Variants in PTPRK observed in about 807,000 individuals in gnomAD.
PTPRK encodes the protein receptor-type tyrosine-protein phosphatase kappa.
A neutral mutation model predicts 178.0 loss-of-function variants in PTPRK; 75 were observed. The ratio of observed to expected loss-of-function variants is 0.42; its 90% CI spans 0.35 to 0.51. PTPRK has a LOEUF of 0.51. PTPRK is among the 20% of genes least tolerant of loss of function. The pLI, the probability that PTPRK is intolerant of heterozygous loss-of-function variation, is 0.02. For synonymous variants in PTPRK, 637 were observed against 620.6 expected, an observed-to-expected ratio of 1.03 and a Z score of -0.39; for missense variants, 1,441 against 1,797.8, an observed-to-expected ratio of 0.80 and a Z score of 3.59.
chr6:127,987,343 A>C (rs1244173253), intron 21 of PTPRK, among the ~76,000 whole-genome samples: 2 of 151,754 alleles, frequency 1.3e-5, no homozygotes, highest in African/African-American at 4.8e-5. Flanking sequence ...AATATCAAGT[A>C]CTCCCATATT....
At chr6:128,140,075 G>C (rs1402328894) in intron 7 of PTPRK, among the ~76,000 whole-genome samples, 1 of 151,932 alleles carries the variant, frequency 6.6e-6, no homozygotes, top group African/African-American at 2.4e-5. Flanking sequence ...CCCCTATCTT[G>C]CATCCAGATA....
intron 14 of PTPRK, among the ~76,000 whole-genome samples, chr6:128,007,157 T>C (rs189449529): frequency 9.0e-4 from 136 of 151,048 alleles, no homozygotes; most frequent in African/African-American, 3.2e-3. Context: ...TTTATATGTA[T>C]GATAAACATA....
intron 1 of PTPRK, among the ~76,000 whole-genome samples, chr6:128,441,348 A>C (rs1846255942): frequency 6.6e-6 from 1 of 152,166 alleles, no homozygotes; most frequent in Admixed American, 6.5e-5. Context: ...GTGAAATGGA[A>C]ACTTTAGGCA....
rs1277175386 is a variant in PTPRK at position 127,970,062 on chromosome 6, T to G, written c.*165A>C. ...ATAAAAACTAATTCAGTCCTTTTTA[T>G]TAAGATACACAACTTCATAAAAAAA... On this transcript the variant is annotated 3_prime_UTR_variant, in exon 30 of 30. Transcript: ENST00000368226. The G allele has an allele frequency of 2.0e-6, 1 of 504,474 alleles. No individual in the cohort carries two copies. The highest frequency in any genetic ancestry group is 3.5e-6 in the Non-Finnish European group (1 of 286,650). 31.2% of individuals were successfully genotyped at this position (504,474 alleles called of 1,614,324 possible).
Position 128,009,266 on chromosome 6 carries a change from C to A in PTPRK, c.2197G>T (p.Ala733Ser). 1.3e-6 allele frequency: 2 copies of A among 1,596,720 alleles called. No individual in the cohort carries two copies. Among genetic ancestry groups the A allele is most frequent in the Non-Finnish European group, 1.7e-6 (2 of 1,171,750 alleles). Residue 733 changes from alanine (A) to serine (S), a missense_variant and splice_region_variant, in exon 14 of 30, where the codon GCA becomes TCA. Physicochemically the swap from Ala to Ser is moderately conservative, Grantham distance 99. Coordinates refer to ENST00000368226, the MANE Select transcript of PTPRK (RefSeq NM_002844.4). ...TQCVRIATKAAATEEPEVIPD... is the reference protein window; with the variant it reads ...TQCVRIATKASATEEPEVIPD... ...ATCACTTCTGGTTCTTCTGTTGCTG[C>A]TGCTAAATGGATAAAAAAAAAAATC...
intron 5 of PTPRK, chr6:128,235,688 A>T: frequency 2.4e-6 from 1 of 415,604 alleles, no homozygotes; most frequent in South Asian, 1.8e-5. Flanking sequence ...ATCTTGTGCC[A>T]TCCCTCACTT....
Position 128,324,206 on chromosome 6 carries a change from T to C in PTPRK, c.224-1896A>G, listed in dbSNP as rs181655760. ...ACCCCCTCCCCTCAGTGGAATATTA[T>C]GGCAGTAGTGCATTTAAATTATTTT... On this transcript the variant is annotated intron_variant, in intron 2 of 29. Coordinates refer to ENST00000368226, the MANE Select transcript of PTPRK (RefSeq NM_002844.4). Among the ~76,000 whole-genome samples the C allele has an allele frequency of 4.6e-5, 7 of 152,250 alleles. No homozygotes were observed. The South Asian group carries it at 6.2e-4, about 14-fold the overall frequency.
chr6:128,267,278 G>A (rs928591426), intron 3 of PTPRK, among the ~76,000 whole-genome samples: 1 of 151,998 alleles, frequency 6.6e-6, no homozygotes, highest in African/African-American at 2.4e-5. Flanking sequence ...ATCACTAGAT[G>A]AGTCCACAAA....
At chr6:128,001,678 T>C (rs1284326760) in intron 15 of PTPRK, among the ~76,000 whole-genome samples, 1 of 151,906 alleles carries the variant, frequency 6.6e-6, no homozygotes, top group Admixed American at 6.6e-5. Context: ...GAAAAAGGTA[T>C]GGTAGGAATT....
intron 1 of PTPRK, among the ~76,000 whole-genome samples, chr6:128,437,805 G>T (rs894496447): frequency 2.6e-5 from 4 of 152,142 alleles, no homozygotes; most frequent in Admixed American, 1.3e-4. Context: ...TAGCAAATGG[G>T]CTATGAGGAG....
At chr6:128,254,122 G>A (rs1816908213) in intron 3 of PTPRK, among the ~76,000 whole-genome samples, 1 of 152,134 alleles carries the variant, frequency 6.6e-6, no homozygotes, top group South Asian at 2.1e-4. Context: ...ATTAGTTATG[G>A]TTGGAGGGGA....
At chr6:128,084,897 G>C (rs1056628615) in intron 8 of PTPRK, 1 of 151,966 alleles carries the variant, frequency 6.6e-6, no homozygotes, top group African/African-American at 2.4e-5. Context: ...TTAATCTAAC[G>C]TTTCAGTGAA....
intron 1 of PTPRK, among the ~76,000 whole-genome samples, chr6:128,469,314 A>G (rs1478717645): frequency 1.3e-5 from 2 of 152,250 alleles, no homozygotes; most frequent in African/African-American, 2.4e-5. Context: ...CAAAGAGAGC[A>G]TGCTTGATGC....
intron 1 of PTPRK, among the ~76,000 whole-genome samples, chr6:128,459,345 AAGACAGGC>A (rs1268936831): frequency 6.6e-6 from 1 of 152,130 alleles, no homozygotes; most frequent in East Asian, 1.9e-4. Flanking sequence ...AGAAAAAAGG[AAGACAGGC>A]AAGAAACCCA....
chr6:128,163,894 A>G (rs1318770468), intron 7 of PTPRK, among the ~76,000 whole-genome samples: 1 of 151,444 alleles, frequency 6.6e-6, no homozygotes, highest in East Asian at 1.9e-4. Flanking sequence ...GACTATTTGC[A>G]ATTAAAGGAA....
intron 7 of PTPRK, among the ~76,000 whole-genome samples, chr6:128,110,857 T>G (rs769236789): frequency 6.6e-6 from 1 of 152,082 alleles, no homozygotes; most frequent in African/African-American, 2.4e-5. Flanking sequence ...AAAATGAAGG[T>G]TGAGATTAAC....
chr6:128,216,080 A>C (rs1006154920), intron 6 of PTPRK, among the ~76,000 whole-genome samples: 1 of 152,230 alleles, frequency 6.6e-6, no homozygotes, highest in African/African-American at 2.4e-5. Context: ...AATATAGAAC[A>C]ACCTAAAGTG....
intron 8 of PTPRK, among the ~76,000 whole-genome samples, chr6:128,089,251 A>G (rs941902524): frequency 6.6e-5 from 10 of 152,256 alleles, no homozygotes; most frequent in Non-Finnish European, 1.5e-4. Flanking sequence ...GGCATGAACC[A>G]CTACACCCGG....
chr6:128,001,168 T>C, intron 15 of PTPRK: 1 of 1,500,086 alleles, frequency 6.7e-7, no homozygotes, highest in African/African-American at 1.4e-5. Flanking sequence ...ATTGAAAGGT[T>C]TTCTAGAGTT....
Sources: gnomAD v4.1 joint callset for allele counts (sites outside exome capture counted in the v4.1 genomes callset) on GRCh38, gnomAD v4.1.1 for gene constraint, MANE v1.5 for transcripts, NCBI Gene and HGNC (gene_info 2026-07-23, HGNC 2026-07-21) for gene names.